Variants in PLA2G4C observed in about 807,000 individuals in gnomAD.
PLA2G4C encodes the protein phospholipase A2 group IVC.
In PLA2G4C, 64 loss-of-function variants were observed where a neutral mutation model predicts 73.8. The observed-to-expected ratio is 0.87, with a 90% CI of 0.71 to 1.07. The LOEUF is 1.07. Ranked by LOEUF, PLA2G4C falls within the 50% of genes least tolerant of loss-of-function variation. The probability of loss-of-function intolerance (pLI) is 0.00; values close to 1 mark genes in which losing one functional copy is unlikely to be tolerated. For missense variants in PLA2G4C, 622 were observed against 665.4 expected (o/e 0.93, Z 0.72); for synonymous variants, 254 against 252.1 (o/e 1.01, Z -0.07).
chr19:48,096,392 G>T (rs555746995), intron 6 of PLA2G4C, among the ~76,000 whole-genome samples: 1 of 152,200 alleles, frequency 6.6e-6, no homozygotes, highest in African/African-American at 2.4e-5. Context: ...AGACCAGCCT[G>T]ATTAACATGG....
chr19:48,058,230 T>C (rs964704714), intron 14 of PLA2G4C, among the ~76,000 whole-genome samples: 1 of 150,824 alleles, frequency 6.6e-6, no homozygotes. Context: ...ACCTGGAAGG[T>C]GGAGGTTGTG....
intron 6 of PLA2G4C, among the ~76,000 whole-genome samples, chr19:48,095,985 G>T (rs1021632019): frequency 3.3e-5 from 5 of 152,144 alleles, no homozygotes; most frequent in Admixed American, 6.6e-5. Context: ...TGAGTCATTA[G>T]AATATTCCAG....
chr19:48,100,013 C>A (rs11564529), intron 4 of PLA2G4C, 153 bp from the exon 5 acceptor site: 10,248 of 542,692 alleles, frequency 0.019, 120 homozygotes, highest in Non-Finnish European at 0.022. Context: ...TAAATAAATA[C>A]AACTGCAGAA....
chr19:48,100,935 A>G (rs12982485), intron 4 of PLA2G4C, among the ~76,000 whole-genome samples: 40,328 of 147,592 alleles, frequency 0.27, 6,312 homozygotes, highest in East Asian at 0.52. Flanking sequence ...AAAAAAGAAA[A>G]AAAAGACTTT....
chr19:48,089,316 A>C (rs2031163115), intron 8 of PLA2G4C, among the ~76,000 whole-genome samples: 1 of 152,026 alleles, frequency 6.6e-6, no homozygotes, highest in Non-Finnish European at 1.5e-5. Flanking sequence ...AGTCCCAGTT[A>C]CTCGGGAGGA....
chr19:48,049,211 T>C (rs113018240), intron 16 of PLA2G4C, among the ~76,000 whole-genome samples: 11 of 152,190 alleles, frequency 7.2e-5, no homozygotes, highest in African/African-American at 2.2e-4. Flanking sequence ...CAGAATGTTA[T>C]AGACATAGGT....
Position 48,109,740 on chromosome 19 carries a change from T to C in PLA2G4C, c.-33+747A>G, listed in dbSNP as rs11564507. ...TCTCGGCTCACTGCAAGCTCCGCCT[T>C]CCGGGCTCACGCCATTCTCCTGCCT... On this transcript the variant is annotated intron_variant, in intron 1 of 16. Transcript: ENST00000599921. Among the ~76,000 whole-genome samples the C allele has an allele frequency of 6.8e-3, 1,030 of 152,072 alleles. 10 individuals carry two copies. Among genetic ancestry groups the C allele is most frequent in the South Asian group, 0.049 (238 of 4,812 alleles).
intron 7 of PLA2G4C, among the ~76,000 whole-genome samples, chr19:48,094,481 C>G (rs953486456): frequency 6.6e-6 from 1 of 152,120 alleles, no homozygotes; most frequent in African/African-American, 2.4e-5. Context: ...AATTTCCTAC[C>G]ATGTGCTGGA....
chr19:48,085,403 C>T (rs1391317125), intron 9 of PLA2G4C, among the ~76,000 whole-genome samples: 7 of 152,184 alleles, frequency 4.6e-5, no homozygotes, highest in Non-Finnish European at 1.5e-5. Flanking sequence ...AGCTCCCTTC[C>T]ATGCCAACGT....
intron 6 of PLA2G4C, 74 bp downstream of exon 6, chr19:48,098,065 G>A: frequency 3.3e-6 from 5 of 1,521,230 alleles, no homozygotes; most frequent in South Asian, 1.2e-5. Context: ...GGGAGGGCAG[G>A]GAAACATTCT....
intron 14 of PLA2G4C, among the ~76,000 whole-genome samples, chr19:48,057,238 A>C (rs993303019): frequency 1.3e-5 from 2 of 152,136 alleles, no homozygotes; most frequent in Non-Finnish European, 2.9e-5. Flanking sequence ...TTTCTCCTTT[A>C]TCTTGTTCTT....
At chr19:48,068,017 A>G (rs1334529254) in intron 12 of PLA2G4C, 131 bp from the exon 13 acceptor site, 5 of 725,178 alleles carry the variant, frequency 6.9e-6, no homozygotes, top group Non-Finnish European at 1.2e-5. Flanking sequence ...TAAAGAGGTC[A>G]TTCAGGGCCG....
At chr19:48,098,700 G>A (rs113629460) in intron 5 of PLA2G4C, among the ~76,000 whole-genome samples, 1,232 of 69,678 alleles carry the variant, frequency 0.018, 23 homozygotes, top group African/African-American at 0.053. Context: ...GCAAAAAAGC[G>A]AAACCCTATC....
intron 14 of PLA2G4C, among the ~76,000 whole-genome samples, chr19:48,059,073 C>A (rs556728878): frequency 6.6e-6 from 1 of 152,130 alleles, no homozygotes; most frequent in South Asian, 2.1e-4. Context: ...GAGTTCAAGA[C>A]CAGCCTGGCC....
intron 7 of PLA2G4C, among the ~76,000 whole-genome samples, chr19:48,094,870 T>TTTTGTTTGTTTGTTTG (rs111632187): frequency 6.6e-6 from 1 of 151,648 alleles, no homozygotes; most frequent in South Asian, 2.1e-4. Flanking sequence ...CATTCTAGTT[T>TTTTGTTTGTTTGTTTG]TTTGTTTGTT....
chr19:48,099,861 C>A lies in PLA2G4C; in HGVS notation c.258-1G>T. The A allele has an allele frequency of 6.2e-7, 1 of 1,608,374 alleles. No individual in the cohort carries two copies. Among genetic ancestry groups the A allele is most frequent in the South Asian group, 1.1e-5 (1 of 90,706 alleles). ...ATTGGTGTAGAGAGAAGATATTGCC[C>A]TGGAGGACAGAGGAAGAGAGTGAGT... On this transcript the variant is annotated splice_acceptor_variant, in intron 4 of 16. Coordinates refer to ENST00000599921, the MANE Select transcript of PLA2G4C (RefSeq NM_003706.3). LOFTEE classifies it high-confidence loss of function.
chr19:48,102,361 C>G (rs146726998), intron 4 of PLA2G4C, among the ~76,000 whole-genome samples: 28,024 of 151,136 alleles, frequency 0.19, 5,342 homozygotes, highest in African/African-American at 0.48. Flanking sequence ...CATGGTGGCA[C>G]GCGTCTGTAA....
intron 10 of PLA2G4C, among the ~76,000 whole-genome samples, chr19:48,081,595 T>TA (rs1373245898): frequency 2.0e-5 from 3 of 151,416 alleles, no homozygotes; most frequent in Non-Finnish European, 2.9e-5. Flanking sequence ...CTGTCTGTAC[T>TA]AAAAAAATAC....
chr19:48,094,721 G>A (rs2031479576), intron 7 of PLA2G4C, among the ~76,000 whole-genome samples: 1 of 152,162 alleles, frequency 6.6e-6, no homozygotes, highest in African/African-American at 2.4e-5. Flanking sequence ...CAGTGTGTAA[G>A]CTACAGTCAA....
Sources: gnomAD v4.1 joint callset for allele counts (sites outside exome capture counted in the v4.1 genomes callset) on GRCh38, gnomAD v4.1.1 for gene constraint, MANE v1.5 for transcripts, NCBI Gene and HGNC (gene_info 2026-07-23, HGNC 2026-07-21) for gene names.